The following VPS13D variants were observed in gnomAD, a reference collection of about 807,000 sequenced individuals.
VPS13D encodes intermembrane lipid transfer protein VPS13D.
In VPS13D, 187 loss-of-function variants were observed where a neutral mutation model predicts 461.9. The observed-to-expected ratio is 0.40, with a 90% CI of 0.36 to 0.46. VPS13D has a LOEUF of 0.46. Ranked by LOEUF, VPS13D falls within the 20% of genes least tolerant of loss-of-function variation. The pLI is 0.60. For missense variants in VPS13D, 4,711 were observed against 5,364.9 expected (o/e 0.88, Z 3.81); for synonymous variants, 1,951 against 1,986.3 (o/e 0.98, Z 0.47).
At chr1:12,256,294 A>G in intron 7 of VPS13D, 39 bp from the exon 8 acceptor site, 2 of 1,590,530 alleles carry the variant, frequency 1.3e-6, no homozygotes, top group South Asian at 1.1e-5. Flanking sequence ...CCAGAAGGAA[A>G]GCCATTCGGA....
chr1:12,341,161 CA>C (rs1371170608), intron 40 of VPS13D, among the ~76,000 whole-genome samples: 3 of 152,076 alleles, frequency 2.0e-5, no homozygotes, highest in Non-Finnish European at 4.4e-5. Context: ...TTATGGCTTC[CA>C]TGGTACCCAC....
intron 7 of VPS13D, among the ~76,000 whole-genome samples, chr1:12,255,014 T>C (rs1022978766): frequency 1.3e-5 from 2 of 152,116 alleles, no homozygotes; most frequent in African/African-American, 4.8e-5. Context: ...GGCACGATCT[T>C]GGCTCACTGC....
chr1:12,280,886 T>A (rs1641756722), intron 20 of VPS13D, among the ~76,000 whole-genome samples: 1 of 151,890 alleles, frequency 6.6e-6, no homozygotes, highest in Non-Finnish European at 1.5e-5. Context: ...TAAAAATAAT[T>A]AAGATAATTA....
At chr1:12,304,114 A>G (rs1012154203) in intron 25 of VPS13D, among the ~76,000 whole-genome samples, 13 of 152,222 alleles carry the variant, frequency 8.5e-5, no homozygotes, top group African/African-American at 2.4e-4. Flanking sequence ...TCTTAAAACA[A>G]TATGCCCCTC....
intron 20 of VPS13D, among the ~76,000 whole-genome samples, chr1:12,280,004 G>A (rs1481003872): frequency 6.6e-6 from 1 of 152,180 alleles, no homozygotes; most frequent in Non-Finnish European, 1.5e-5. Context: ...AACACAGCCA[G>A]TGAAACATTG....
At chr1:12,433,365 C>T (rs545868225) in intron 65 of VPS13D, among the ~76,000 whole-genome samples, 24 of 152,294 alleles carry the variant, frequency 1.6e-4, no homozygotes, top group African/African-American at 4.3e-4. Flanking sequence ...TCCCTGCTGG[C>T]GCCATTCCTC....
At chr1:12,388,155 T>G (rs1449688694) in intron 60 of VPS13D, among the ~76,000 whole-genome samples, 1 of 152,238 alleles carries the variant, frequency 6.6e-6, no homozygotes. Context: ...AGTCTATTAG[T>G]GTAATCTTAT....
At position 12,503,142 on chromosome 1, in the gene VPS13D, A is replaced by G. The variant is rs886096315; in HGVS notation, c.12795-3711A>G. Among the ~76,000 whole-genome samples, 5 of 152,188 alleles carry G rather than the reference A, an allele frequency of 3.3e-5. 1 individual carries two copies. The highest frequency in any genetic ancestry group is 3.3e-4 in the Admixed American group (5 of 15,276). ...ATGCCCCGTGGTTCATGGTTTATGGATGACATTAGTGATGGTGCATTCTAC... is the reference window on the plus strand; with the variant it reads ...ATGCCCCGTGGTTCATGGTTTATGGGTGACATTAGTGATGGTGCATTCTAC... On this transcript the variant is annotated intron_variant, in intron 68 of 69. Transcript: ENST00000620676.
chr1:12,342,873 G>C (rs931620846), intron 41 of VPS13D, 26 bp from the exon 42 acceptor site: 3 of 1,600,938 alleles, frequency 1.9e-6, no homozygotes, highest in Non-Finnish European at 2.6e-6. Flanking sequence ...ACAGGGACAG[G>C]CTGATGTCAT....
At chr1:12,238,976 C>A (rs1253932950) in intron 2 of VPS13D, among the ~76,000 whole-genome samples, 1 of 151,944 alleles carries the variant, frequency 6.6e-6, no homozygotes, top group African/African-American at 2.4e-5. Flanking sequence ...GGACTGTTAA[C>A]CTGTTTGGGA....
At position 12,277,275 on chromosome 1, in the gene VPS13D, C is replaced by T. The variant is rs757431493; in HGVS notation, c.3687C>T (p.Asn1229=). 16 of 1,614,018 alleles carry T rather than the reference C, an allele frequency of 9.9e-6. No individual in the cohort carries two copies. Among genetic ancestry groups the T allele is most frequent in the Admixed American group, 1.7e-5 (1 of 60,004 alleles). ...AGCTTATGGATTTGACACAAGATAA[C>T]GTTAAAAACCAGTATGTTGTCAGCA... ...CLQLMDLTQD[N]VKNQYVVSIG... Residue 1229 remains asparagine, a synonymous_variant, in exon 19 of 70, where the codon AAC becomes AAT. Coordinates refer to ENST00000620676, the MANE Select transcript of VPS13D (RefSeq NM_015378.4).
chr1:12,293,000 C>T (rs1642178285), intron 23 of VPS13D, among the ~76,000 whole-genome samples: 3 of 152,130 alleles, frequency 2.0e-5, no homozygotes, highest in Non-Finnish European at 4.4e-5. Flanking sequence ...CACCATGCTC[C>T]ATTAAACTCA....
chr1:12,379,622 C>A, intron 57 of VPS13D, 26 bp downstream of exon 57: 1 of 1,565,122 alleles, frequency 6.4e-7, no homozygotes, highest in Non-Finnish European at 8.8e-7. Context: ...TCCCCAATTG[C>A]AGCAAGCAGT....
intron 55 of VPS13D, among the ~76,000 whole-genome samples, chr1:12,376,332 T>C (rs1029457675): frequency 2.0e-5 from 3 of 152,246 alleles, no homozygotes; most frequent in Non-Finnish European, 4.4e-5. Flanking sequence ...TAGTATCTGG[T>C]ATTTCCCATT....
At chr1:12,255,730 A>C (rs1306353054) in intron 7 of VPS13D, among the ~76,000 whole-genome samples, 1 of 151,858 alleles carries the variant, frequency 6.6e-6, no homozygotes, top group Non-Finnish European at 1.5e-5. Context: ...ATCTGTACTA[A>C]AAATAAAAAA....
At chr1:12,440,642 G>A (rs1645118425) in intron 65 of VPS13D, among the ~76,000 whole-genome samples, 1 of 152,196 alleles carries the variant, frequency 6.6e-6, no homozygotes, top group African/African-American at 2.4e-5. Flanking sequence ...TTGTGGGGCT[G>A]AGGTGGGTGG....
intron 2 of VPS13D, among the ~76,000 whole-genome samples, chr1:12,234,643 A>C (rs1640090346): frequency 6.6e-6 from 1 of 152,232 alleles, no homozygotes; most frequent in Non-Finnish European, 1.5e-5. Context: ...TAGCTTTATG[A>C]AGCTTTATGG....
In VPS13D at chr1:12,308,661, T is replaced by TG. The variant is rs1395222163; in HGVS notation, c.6650+20_6650+21insG. 5.0e-6 allele frequency: 8 copies of TG among 1,610,530 alleles called. No homozygotes were observed. The highest frequency in any genetic ancestry group is 6.8e-6 in the Non-Finnish European group (8 of 1,178,034). On this transcript the variant is annotated intron_variant, in intron 27 of 69. Transcript: ENST00000620676. ...GGACAAGTGAGTGTTTTTTTTTTTT[T>TG]TTGAGATGGAGTCTCGCTCTGTTCA... is the stretch of plus-strand genomic sequence containing the variant.
At position 12,511,754 on chromosome 1, in the gene VPS13D, C is replaced by A. The variant is rs1314828378; in HGVS notation, c.*2730C>A. 1 of 152,218 alleles carries A rather than the reference C, an allele frequency of 6.6e-6. No individual in the cohort carries two copies. The highest frequency in any genetic ancestry group is 1.5e-5 in the Non-Finnish European group (1 of 68,086). 9.4% of individuals were successfully genotyped at this position (152,218 alleles called of 1,614,324 possible). Reference sequence around the variant, plus strand: ...TGCTTCCCCAGCCCCTGGGCCTGGTCACTACACAGTGGAAAACAGACAAGC... The same window carrying A: ...TGCTTCCCCAGCCCCTGGGCCTGGTAACTACACAGTGGAAAACAGACAAGC... On this transcript the variant is annotated 3_prime_UTR_variant, in exon 70 of 70. Coordinates refer to ENST00000620676, the MANE Select transcript of VPS13D (RefSeq NM_015378.4). The surrounding 1 kb of genome is among the most constrained non-coding windows in gnomAD (Gnocchi z 4.5).
Sources: allele counts gnomAD v4.1 joint callset (sites outside exome capture counted in the v4.1 genomes callset), GRCh38; gene constraint gnomAD v4.1.1; non-coding constraint Gnocchi (gnomAD v3.1); transcripts MANE v1.5; gene names NCBI Gene and HGNC (gene_info 2026-07-23, HGNC 2026-07-21).